The following ZUP1 variants were observed in gnomAD, a reference collection of about 807,000 sequenced individuals.
The protein encoded by ZUP1 is zinc finger-containing ubiquitin peptidase 1.
A neutral mutation model predicts 68.1 loss-of-function variants in ZUP1; 55 were observed. That is an observed-to-expected ratio of 0.81 (90% CI 0.65 to 1.01). The LOEUF is 1.01. Ranked by LOEUF, ZUP1 falls within the 50% of genes least tolerant of loss-of-function variation. The pLI, the probability that ZUP1 is intolerant of heterozygous loss-of-function variation, is 0.00. For missense variants in ZUP1, 684 were observed against 674.9 expected, an observed-to-expected ratio of 1.01 and a Z score of -0.15; for synonymous variants, 223 against 221.5, an observed-to-expected ratio of 1.01 and a Z score of -0.06.
intron 9 of ZUP1, 74 bp downstream of exon 9, chr6:116,645,640 G>A: frequency 4.0e-6 from 4 of 999,972 alleles, no homozygotes; most frequent in East Asian, 2.6e-5. Flanking sequence ...TGATAACACT[G>A]ATTTTAAACT....
At position 116,635,621 on chromosome 6, in the gene ZUP1, A is replaced by G; in HGVS notation, c.*211T>C. ...CATAGATAAGAAAAACAAAATCCAC[A>G]ATGCAAAAACAAGACATTTTATTGA... On this transcript the variant is annotated 3_prime_UTR_variant, in exon 10 of 10. Coordinates refer to ENST00000368576, the MANE Select transcript of ZUP1 (RefSeq NM_145062.3). 2.4e-6 allele frequency: 1 copy of G among 425,480 alleles called. No homozygotes were observed. The highest frequency in any genetic ancestry group is 6.1e-5 in the South Asian group (1 of 16,398). The allele number at this position is 425,480 out of a possible 1,614,324, so 26.4% of individuals were successfully genotyped here. A position where few individuals can be genotyped will look rare whatever the true frequency, so the allele number is the denominator to read the frequency against.
At position 116,666,969 on chromosome 6, in the gene ZUP1, T is replaced by G. The variant is rs61744424; in HGVS notation, c.224A>C (p.Asn75Thr). 1.6e-5 allele frequency: 26 copies of G among 1,613,788 alleles called. No homozygotes were observed. The African/African-American group carries it at 3.5e-4, about 22-fold the overall frequency. Residue 75 changes from asparagine (N) to threonine (T), a missense_variant, in exon 2 of 10, where the codon AAC becomes ACC. Transcript: ENST00000368576. ...ACACTGTAGGGTGTTGTCTTTCTTGTTATCTGAAGTTCCATATTGTACTGT... is the reference window on the plus strand; with the variant it reads ...ACACTGTAGGGTGTTGTCTTTCTTGGTATCTGAAGTTCCATATTGTACTGT... Reference protein sequence around the residue: ...INTVQYGTSDNKKDNTLQCGM... With the variant: ...INTVQYGTSDTKKDNTLQCGM...
chr6:116,637,467 T>TTA (rs1376256869), intron 9 of ZUP1, among the ~76,000 whole-genome samples: 8 of 152,324 alleles, frequency 5.3e-5, no homozygotes, highest in Non-Finnish European at 8.8e-5. Flanking sequence ...CCTGGCAGTG[T>TTA]TATACATTGT....
At chr6:116,666,590 T>C (rs758424802) in intron 2 of ZUP1, 44 bp downstream of exon 2, 9 of 1,468,022 alleles carry the variant, frequency 6.1e-6, no homozygotes, top group Middle Eastern at 1.9e-4. Flanking sequence ...ACATATTAAA[T>C]TGAGGCTGTA....
intron 2 of ZUP1, among the ~76,000 whole-genome samples, chr6:116,662,590 T>A (rs1776876336): frequency 6.6e-6 from 1 of 152,184 alleles, no homozygotes; most frequent in African/African-American, 2.4e-5. Flanking sequence ...ATTCTCCCAA[T>A]ACCTACCACA....
intron 9 of ZUP1, among the ~76,000 whole-genome samples, chr6:116,636,707 A>C (rs1775918799): frequency 6.6e-6 from 1 of 152,198 alleles, no homozygotes; most frequent in Non-Finnish European, 1.5e-5. Flanking sequence ...AAAAGATCAG[A>C]ACTAATCATA....
In ZUP1 at chr6:116,651,751, A is replaced by T. The variant is rs773027062; in HGVS notation, c.1151-14T>A. On this transcript the variant is annotated splice_polypyrimidine_tract_variant and intron_variant, in intron 6 of 9. Coordinates refer to ENST00000368576, the MANE Select transcript of ZUP1 (RefSeq NM_145062.3). ...GAATCAACATACCTAAAATTACACA[A>T]GCAAACATGTTACATGACTGTTAAT... is the stretch of plus-strand genomic sequence containing the variant. The T allele has an allele frequency of 7.4e-6, 12 of 1,612,360 alleles. No homozygotes were observed. The highest frequency in any genetic ancestry group is 1.3e-5 in the African/African-American group (1 of 74,906).
rs1776673256 is a variant in ZUP1 at position 116,656,662 on chromosome 6, ACTCTGATGTTT to A, written c.961+11_961+21del. The A allele has an allele frequency of 6.3e-7, 1 of 1,587,472 alleles. No individual in the cohort carries two copies. The highest frequency in any genetic ancestry group is 8.6e-7 in the Non-Finnish European group (1 of 1,167,502). On this transcript the variant is annotated intron_variant, in intron 5 of 9. Coordinates refer to ENST00000368576, the MANE Select transcript of ZUP1 (RefSeq NM_145062.3). ...TGGTATAAGCAATATTAAAACAATG[ACTCTGATGTTT>A]AAATACTCACCGGAAGTTTTTGTTT...
rs1457758309 is a variant in ZUP1 at position 116,656,780 on chromosome 6, T to C, written c.865A>G (p.Arg289Gly). 1.9e-6 allele frequency: 3 copies of C among 1,611,078 alleles called. No homozygotes were observed. The Admixed American group carries it at 5.0e-5, about 27-fold the overall frequency. Residue 289 changes from arginine (R) to glycine (G), a missense_variant, in exon 5 of 10, where the codon AGG (arginine) becomes GGG (glycine). Coordinates refer to ENST00000368576, the MANE Select transcript of ZUP1 (RefSeq NM_145062.3). ...AATTCAGATGGAGGCATTCTTCCCC[T>C]ATTTACTTCTATCTCCATATTTCGT... ...QLRNMEIEVN[R>G]GRMPPSEFHR...
chr6:116,666,462 C>G (rs1400714476), intron 2 of ZUP1, among the ~76,000 whole-genome samples, 172 bp downstream of exon 2: 1 of 152,158 alleles, frequency 6.6e-6, no homozygotes, highest in Non-Finnish European at 1.5e-5. Context: ...CATTAAAATT[C>G]TTTTCCATAA....
Position 116,635,880 on chromosome 6 carries a change from C to T in ZUP1, c.1690-1G>A. Reference sequence around the variant, plus strand: ...AGACTTGAGAAGCTTGTCTCCTGGCCTTGAAAAGAAATTTTAAAAAACAAT... The same window carrying T: ...AGACTTGAGAAGCTTGTCTCCTGGCTTTGAAAAGAAATTTTAAAAAACAAT... On this transcript the variant is annotated splice_acceptor_variant, in intron 9 of 9. Transcript: ENST00000368576. LOFTEE classifies it high-confidence loss of function. The T allele has an allele frequency of 6.3e-7, 1 of 1,580,330 alleles. No homozygotes were observed. Among genetic ancestry groups the T allele is most frequent in the Non-Finnish European group, 8.6e-7 (1 of 1,165,640 alleles).
At chr6:116,642,116 T>C (rs1084888) in intron 9 of ZUP1, among the ~76,000 whole-genome samples, 86,954 of 150,994 alleles carry the variant, frequency 0.58, 25,269 homozygotes, top group South Asian at 0.66. Flanking sequence ...GAAACATACA[T>C]TCTCCCAAGA....
chr6:116,651,594 G>A lies in ZUP1; in HGVS notation c.1294C>T (p.Leu432Phe), dbSNP rs1776493552. Reference protein sequence around the residue: ...AWIGACEVYILLTSLRVKCHI... With the variant: ...AWIGACEVYIFLTSLRVKCHI... ...TACTTTACCCTTAGGGAGGTCAGGA[G>A]TATATATACTTCACATGCTCCAATC... The change falls in exon 7 of 10, where the codon CTC (leucine) becomes TTC (phenylalanine). Residue 432 changes from leucine to phenylalanine, a missense_variant. Transcript: ENST00000368576. 3 of 1,613,470 alleles carry A rather than the reference G, an allele frequency of 1.9e-6. No individual in the cohort carries two copies.
At chr6:116,661,953 A>C (rs939757670) in intron 2 of ZUP1, among the ~76,000 whole-genome samples, 3 of 152,248 alleles carry the variant, frequency 2.0e-5, no homozygotes, top group Non-Finnish European at 2.9e-5. Flanking sequence ...ATAAACTGTA[A>C]AATAAGTATG....
chr6:116,649,298 C>T (rs1776407737), intron 7 of ZUP1, among the ~76,000 whole-genome samples: 1 of 151,948 alleles, frequency 6.6e-6, no homozygotes, highest in African/African-American at 2.4e-5. Flanking sequence ...AAGCTTAACG[C>T]AAACATTCCA....
chr6:116,637,165 G>A (rs1457404155), intron 9 of ZUP1, among the ~76,000 whole-genome samples: 2 of 152,112 alleles, frequency 1.3e-5, no homozygotes, highest in African/African-American at 2.4e-5. Context: ...CCTTACAGAA[G>A]AGGCAATATA....
intron 1 of ZUP1, 88 bp from the exon 2 acceptor site, chr6:116,667,295 C>A: frequency 1.2e-6 from 1 of 823,272 alleles, no homozygotes; most frequent in Non-Finnish European, 1.8e-6. Context: ...TGGTCTTTAA[C>A]GCTGGATTAT....
chr6:116,640,164 G>A (rs1444775650), intron 9 of ZUP1, among the ~76,000 whole-genome samples: 1 of 123,448 alleles, frequency 8.1e-6, no homozygotes, highest in Admixed American at 8.6e-5. Context: ...AATGAACAAA[G>A]CCTCCAAGAA....
intron 9 of ZUP1, among the ~76,000 whole-genome samples, chr6:116,640,455 A>T (rs1403516641): frequency 6.6e-6 from 1 of 152,138 alleles, no homozygotes; most frequent in Non-Finnish European, 1.5e-5. Flanking sequence ...CGGGTTACCC[A>T]CAAAGGGAAG....
Sources: gnomAD v4.1 joint callset for allele counts (sites outside exome capture counted in the v4.1 genomes callset) on GRCh38, gnomAD v4.1.1 for gene constraint, MANE v1.5 for transcripts, NCBI Gene and HGNC (gene_info 2026-07-23, HGNC 2026-07-21) for gene names.